The following ARHGEF38 variants were observed in gnomAD, a reference collection of about 807,000 sequenced individuals.
ARHGEF38 encodes the protein Rho guanine nucleotide exchange factor 38.
In ARHGEF38, 79 loss-of-function variants were observed where a neutral mutation model predicts 79.9. The observed-to-expected ratio is 0.99, with a 90% CI of 0.82 to 1.19. The LOEUF (loss-of-function observed/expected upper bound fraction) is 1.19. ARHGEF38 is among the 50% of genes most tolerant of loss of function. The probability of loss-of-function intolerance (pLI) is 0.00; values close to 1 mark genes in which losing one functional copy is unlikely to be tolerated. For missense variants in ARHGEF38, 962 were observed against 907.2 expected, an observed-to-expected ratio of 1.06 and a Z score of -0.78; for synonymous variants, 366 against 328.3, an observed-to-expected ratio of 1.11 and a Z score of -1.24.
chr4:105,681,613 G>A (rs1731313132), downstream of ARHGEF38, among the ~76,000 whole-genome samples: 1 of 152,160 alleles, frequency 6.6e-6, no homozygotes. Flanking sequence ...TTGCAAGTAA[G>A]ACAACAACGC....
At chr4:105,581,930 C>T (rs1726810702) in intron 1 of ARHGEF38, among the ~76,000 whole-genome samples, 1 of 151,956 alleles carries the variant, frequency 6.6e-6, no homozygotes, top group Non-Finnish European at 1.5e-5. Context: ...CTTTGGGAGG[C>T]CGAGGTGGGT....
At chr4:105,655,075 C>T (rs943837192) in intron 8 of ARHGEF38, among the ~76,000 whole-genome samples, 2 of 152,094 alleles carry the variant, frequency 1.3e-5, no homozygotes, top group Non-Finnish European at 2.9e-5. Flanking sequence ...AAAATGCTGC[C>T]TTCTGTGAAA....
intron 2 of ARHGEF38, among the ~76,000 whole-genome samples, chr4:105,598,371 A>G (rs1005121300): frequency 7.2e-5 from 11 of 152,192 alleles, no homozygotes; most frequent in Admixed American, 6.6e-5. Flanking sequence ...AAAGCCAGAG[A>G]AAAACAGGGA....
Position 105,679,514 on chromosome 4 carries a change from G to A in ARHGEF38, c.*1577G>A. 7.2e-7 allele frequency: 1 copy of A among 1,392,518 alleles called. No individual in the cohort carries two copies. The highest frequency in any genetic ancestry group is 1.0e-6 in the Non-Finnish European group (1 of 980,852). The allele number at this position is 1,392,518 out of a possible 1,614,324, so 86.3% of individuals were successfully genotyped here. On this transcript the variant is annotated 3_prime_UTR_variant, in exon 14 of 14. Transcript: ENST00000420470. ...AGTTGATTAAAGATCATGGTTCAAA[G>A]CTTGATACACCAGAAATGTGGGCTA...
chr4:105,667,717 G>A lies in ARHGEF38; in HGVS notation c.2148+14G>A. On this transcript the variant is annotated intron_variant, in intron 13 of 13. Coordinates refer to ENST00000420470, the MANE Select transcript of ARHGEF38 (RefSeq NM_001242729.2). ...GTAGACGAACAGGTAAAAATTTGAT[G>A]TAAAAATATGTGGTTGTTCAAATCA... 6.5e-7 allele frequency: 1 copy of A among 1,535,884 alleles called. No individual in the cohort carries two copies. The highest frequency in any genetic ancestry group is 8.7e-7 in the Non-Finnish European group (1 of 1,146,798).
chr4:105,554,135 A>G (rs191028585), intron 1 of ARHGEF38, among the ~76,000 whole-genome samples: 1 of 152,144 alleles, frequency 6.6e-6, no homozygotes, highest in African/African-American at 2.4e-5. Context: ...GAGGGAGAGC[A>G]TTGTTTAATC....
chr4:105,624,561 T>A (rs1728867224), intron 3 of ARHGEF38, among the ~76,000 whole-genome samples: 1 of 152,144 alleles, frequency 6.6e-6, no homozygotes, highest in South Asian at 2.1e-4. Flanking sequence ...CTAGGCTAGG[T>A]GGAAGCTAAA....
intron 1 of ARHGEF38, among the ~76,000 whole-genome samples, chr4:105,557,124 A>G (rs113086613): frequency 1.2e-4 from 19 of 152,318 alleles, no homozygotes; most frequent in African/African-American, 4.6e-4. Context: ...AAAGGGTTTC[A>G]TAAATACTTA....
At chr4:105,572,130 A>G (rs904296545) in intron 1 of ARHGEF38, among the ~76,000 whole-genome samples, 1 of 152,220 alleles carries the variant, frequency 6.6e-6, no homozygotes, top group African/African-American at 2.4e-5. Flanking sequence ...TAAAACTCAC[A>G]GAAGACTTTT....
At chr4:105,574,174 CT>C (rs1033566474) in intron 1 of ARHGEF38, among the ~76,000 whole-genome samples, 3 of 151,932 alleles carry the variant, frequency 2.0e-5, no homozygotes, top group African/African-American at 4.8e-5. Flanking sequence ...AATTTTACTT[CT>C]TTTTTTTCCA....
intron 1 of ARHGEF38, chr4:105,570,272 CTTA>C (rs1269006225): frequency 2.0e-5 from 3 of 152,106 alleles, no homozygotes; most frequent in Non-Finnish European, 4.4e-5. Flanking sequence ...AGTGGTTGCT[CTTA>C]TTATAGGCTT....
intron 2 of ARHGEF38, among the ~76,000 whole-genome samples, chr4:105,600,191 T>C (rs1727762809): frequency 6.6e-6 from 1 of 152,180 alleles, no homozygotes; most frequent in Non-Finnish European, 1.5e-5. Context: ...AAGTCTATAA[T>C]GTGGCCAAGA....
At chr4:105,582,116 A>T in intron 1 of ARHGEF38, among the ~76,000 whole-genome samples, 1 of 149,430 alleles carries the variant, frequency 6.7e-6, no homozygotes, top group Non-Finnish European at 1.5e-5. Context: ...AGTGAGCCAA[A>T]ATCATGCCAC....
chr4:105,564,183 A>C (rs1725773831), intron 1 of ARHGEF38, among the ~76,000 whole-genome samples: 1 of 152,220 alleles, frequency 6.6e-6, no homozygotes, highest in South Asian at 2.1e-4. Flanking sequence ...TATTGTGCAA[A>C]GAAAAAAATA....
chr4:105,681,826 T>C (rs1425276077), downstream of ARHGEF38, among the ~76,000 whole-genome samples: 2 of 152,204 alleles, frequency 1.3e-5, no homozygotes, highest in African/African-American at 2.4e-5. Context: ...TAGGAGCTTA[T>C]TGTATACAAA....
At chr4:105,606,061 T>A (rs891005004) in intron 2 of ARHGEF38, among the ~76,000 whole-genome samples, 5 of 152,198 alleles carry the variant, frequency 3.3e-5, no homozygotes, top group Admixed American at 6.5e-5. Flanking sequence ...CACCAAAATG[T>A]TGTGTGTGGA....
chr4:105,594,195 TG>T (rs1727469994), intron 2 of ARHGEF38, among the ~76,000 whole-genome samples: 2 of 152,180 alleles, frequency 1.3e-5, no homozygotes, highest in African/African-American at 4.8e-5. Flanking sequence ...AGTAAATAAA[TG>T]TTCGGGTACT....
intron 3 of ARHGEF38, among the ~76,000 whole-genome samples, chr4:105,630,560 G>A (rs528536093): frequency 3.9e-5 from 6 of 152,136 alleles, no homozygotes; most frequent in South Asian, 2.1e-4. Context: ...ACTCTTAACC[G>A]CAATTCTGCA....
chr4:105,581,904 G>A (rs1011951544), intron 1 of ARHGEF38, among the ~76,000 whole-genome samples: 10 of 151,984 alleles, frequency 6.6e-5, no homozygotes, highest in Admixed American at 1.3e-4. Context: ...GGTGGCTCAC[G>A]CTTGTAATCC....
Sources: allele counts gnomAD v4.1 joint callset (sites outside exome capture counted in the v4.1 genomes callset), GRCh38; gene constraint gnomAD v4.1.1; transcripts MANE v1.5; gene names NCBI Gene and HGNC (gene_info 2026-07-23, HGNC 2026-07-21).